Variants in CPSF3 observed in about 807,000 individuals in gnomAD.
CPSF3 encodes cleavage and polyadenylation specificity factor subunit 3.
Under a neutral mutation model 84.1 loss-of-function variants are expected in CPSF3, and 57 were observed. The ratio of observed to expected loss-of-function variants is 0.68; its 90% CI spans 0.55 to 0.85. The LOEUF is 0.85. Ranked by LOEUF, CPSF3 falls within the 40% of genes least tolerant of loss-of-function variation. CPSF3 has a pLI of 0.00. For missense variants in CPSF3, 522 were observed against 838.8 expected (o/e 0.62, Z 4.66); for synonymous variants, 275 against 278.1 (o/e 0.99, Z 0.11).
chr2:9,472,890 C>T (rs779786153), intron 17 of CPSF3, 26 bp from the exon 18 acceptor site: 2 of 1,367,388 alleles, frequency 1.5e-6, no homozygotes, highest in Non-Finnish European at 2.1e-6. Flanking sequence ...TTAATTCTAA[C>T]AGTCTTGTTT....
At chr2:9,465,475 CTTATA>C (rs1466608708) in intron 15 of CPSF3, among the ~76,000 whole-genome samples, 2 of 151,822 alleles carry the variant, frequency 1.3e-5, no homozygotes, top group Non-Finnish European at 1.5e-5. Flanking sequence ...AAATTACAGT[CTTATA>C]TTATATTTTC....
At chr2:9,432,427 T>C (rs1333917590) in intron 4 of CPSF3, 84 bp from the exon 5 acceptor site, 3 of 853,314 alleles carry the variant, frequency 3.5e-6, no homozygotes, top group African/African-American at 1.7e-5. Context: ...TTCATGGAGA[T>C]GTTATCCACA....
intron 10 of CPSF3, among the ~76,000 whole-genome samples, chr2:9,444,812 C>G (rs151273365): frequency 1.3e-5 from 2 of 151,882 alleles, no homozygotes; most frequent in Admixed American, 6.6e-5. Context: ...ATTACAGGCA[C>G]GTGCCACCAC....
At position 9,471,393 on chromosome 2, in the gene CPSF3, G is replaced by A. The variant is rs1682157842; in HGVS notation, c.1907G>A (p.Ser636Asn). 2 of 1,612,880 alleles carry A rather than the reference G, an allele frequency of 1.2e-6. No homozygotes were observed. The highest frequency in any genetic ancestry group is 2.2e-5 in the South Asian group (2 of 91,064). Residue 636 changes from serine to asparagine, a missense_variant, in exon 17 of 18, where the codon AGC becomes AAC. Ser to Asn is a conservative substitution (Grantham distance 46). Transcript: ENST00000238112. ...AGTGTAAAGGATGACTCTATTCTTA[G>A]CGTCACAGTGGACGGGAAAACTGCC... ...CVSVKDDSIL[S>N]VTVDGKTANL...
At chr2:9,457,143 G>GTA in intron 14 of CPSF3, 116 bp downstream of exon 14, 9 of 473,768 alleles carry the variant, frequency 1.9e-5, no homozygotes, top group Admixed American at 1.2e-4. Flanking sequence ...TTGTTGGAAA[G>GTA]TATATGTGTG....
chr2:9,457,147 ATGTG>A (rs70948817), intron 14 of CPSF3, 120 bp downstream of exon 14: 16,062 of 332,800 alleles, frequency 0.048, 238 homozygotes, highest in African/African-American at 0.09. Context: ...TGGAAAGTAT[ATGTG>A]TGTGTGTGTG....
chr2:9,430,143 A>G (rs1050406790), intron 3 of CPSF3, 123 bp downstream of exon 3: 13 of 604,432 alleles, frequency 2.2e-5, no homozygotes, highest in Non-Finnish European at 3.4e-5. Context: ...CATATTGCAG[A>G]CATCTGAGTC....
intron 2 of CPSF3, among the ~76,000 whole-genome samples, 170 bp downstream of exon 2, chr2:9,428,998 A>G (rs1680486830): frequency 6.6e-6 from 1 of 152,196 alleles, no homozygotes; most frequent in African/African-American, 2.4e-5. Context: ...CTACTTAGTA[A>G]TTTAGTTGAT....
intron 10 of CPSF3, among the ~76,000 whole-genome samples, chr2:9,447,052 G>A (rs983683430): frequency 6.6e-6 from 1 of 151,626 alleles, no homozygotes; most frequent in East Asian, 2.0e-4. Context: ...AAGGTGGGAG[G>A]ATTGTATAAG....
chr2:9,443,167 A>C (rs1681012219), intron 9 of CPSF3, among the ~76,000 whole-genome samples: 1 of 152,210 alleles, frequency 6.6e-6, no homozygotes, highest in African/African-American at 2.4e-5. Flanking sequence ...ATTTGAAAAA[A>C]CAAAGATTTT....
Position 9,448,229 on chromosome 2 carries a change from C to G in CPSF3, c.1274C>G (p.Ala425Gly). The G allele has an allele frequency of 1.2e-6, 2 of 1,608,468 alleles. No homozygotes were observed. Among genetic ancestry groups the G allele is most frequent in the Non-Finnish European group, 1.7e-6 (2 of 1,175,994 alleles). ...GTCCATGGAGAACAGAATGAAATGGCCAGATTGAAAGCAGCACTGATTCGA... is the reference window on the plus strand; with the variant it reads ...GTCCATGGAGAACAGAATGAAATGGGCAGATTGAAAGCAGCACTGATTCGA... Reference protein sequence around the residue: ...ILVHGEQNEMARLKAALIREY... With the variant: ...ILVHGEQNEMGRLKAALIREY... The change falls in exon 11 of 18, where the codon GCC becomes GGC. Residue 425 changes from alanine (A) to glycine (G), a missense_variant. Physicochemically the swap from Ala to Gly is moderately conservative, Grantham distance 60. Around this residue, in one of 2 missense-constraint regions of CPSF3, gnomAD observed 329 missense variants for 607.2 expected, o/e 0.54. Transcript: ENST00000238112.
At chr2:9,440,453 T>C (rs1258960799) in intron 7 of CPSF3, 38 bp from the exon 8 acceptor site, 2 of 1,571,276 alleles carry the variant, frequency 1.3e-6, no homozygotes, top group East Asian at 4.5e-5. Context: ...TTACCCCATC[T>C]AACAAAGTGA....
At chr2:9,447,685 G>A (rs1681172337) in intron 10 of CPSF3, among the ~76,000 whole-genome samples, 1 of 152,166 alleles carries the variant, frequency 6.6e-6, no homozygotes, top group Non-Finnish European at 1.5e-5. Flanking sequence ...TCAGGCAGGA[G>A]AATCGCTTGA....
intron 15 of CPSF3, among the ~76,000 whole-genome samples, chr2:9,466,421 C>T (rs1014854849): frequency 9.1e-5 from 13 of 142,504 alleles, no homozygotes; most frequent in African/African-American, 2.9e-4. Context: ...CACACGCACA[C>T]GCGCACACAC....
intron 9 of CPSF3, among the ~76,000 whole-genome samples, chr2:9,442,857 AAAAAAAG>A (rs975818992): frequency 8.6e-5 from 13 of 152,002 alleles, no homozygotes; most frequent in South Asian, 2.1e-4. Context: ...CATCTCCAAA[AAAAAAAG>A]AAAAAAAAAA....
Position 9,432,546 on chromosome 2 carries a change from C to A in CPSF3, c.377C>A (p.Thr126Lys). The A allele has an allele frequency of 1.3e-6, 2 of 1,552,012 alleles. No individual in the cohort carries two copies. Among genetic ancestry groups the A allele is most frequent in the Non-Finnish European group, 1.8e-6 (2 of 1,135,742 alleles). The change falls in exon 5 of 18, where the codon ACA (threonine) becomes AAA (lysine). Residue 126 changes from threonine to lysine, a missense_variant. Around this residue, in one of 2 missense-constraint regions of CPSF3, gnomAD observed 329 missense variants for 607.2 expected, o/e 0.54. Transcript: ENST00000238112. ...GCAGACGACATGCTGTATACCGAGACAGATTTGGAAGAAAGCATGGACAAA... is the reference window on the plus strand; with the variant it reads ...GCAGACGACATGCTGTATACCGAGAAAGATTTGGAAGAAAGCATGGACAAA... ...ISADDMLYTETDLEESMDKIE... is the reference protein window; with the variant it reads ...ISADDMLYTEKDLEESMDKIE...
intron 1 of CPSF3, among the ~76,000 whole-genome samples, chr2:9,425,969 G>C (rs564496026): frequency 1.3e-5 from 2 of 152,142 alleles, no homozygotes; most frequent in African/African-American, 2.4e-5. Context: ...AGATTTGCCT[G>C]TTCTGGACAT....
chr2:9,433,988 CAATGT>C (rs1680687776), intron 6 of CPSF3, 28 bp downstream of exon 6: 12 of 1,293,344 alleles, frequency 9.3e-6, no homozygotes, highest in Non-Finnish European at 1.2e-5. Context: ...ATATTGTAAT[CAATGT>C]AATGTAAGCA....
chr2:9,456,530 TC>T, intron 13 of CPSF3, among the ~76,000 whole-genome samples: 1 of 152,138 alleles, frequency 6.6e-6, no homozygotes, highest in East Asian at 1.9e-4. Flanking sequence ...ACCAGAAAAG[TC>T]TCTTCAACAA....
Sources: gnomAD v4.1 joint callset for allele counts (sites outside exome capture counted in the v4.1 genomes callset) on GRCh38, gnomAD v4.1.1 for gene constraint, gnomAD v4.1.1 regional missense constraint, MANE v1.5 for transcripts, NCBI Gene and HGNC (gene_info 2026-07-23, HGNC 2026-07-21) for gene names.